The following ST3GAL3 variants were observed in gnomAD, a reference collection of about 807,000 sequenced individuals.
ST3GAL3 encodes ST3 beta-galactoside alpha-2,3-sialyltransferase 3.
Under a neutral mutation model 50.1 loss-of-function variants are expected in ST3GAL3, and 21 were observed. That is an observed-to-expected ratio of 0.42 (90% confidence interval 0.30 to 0.60). The LOEUF is 0.60. ST3GAL3 is among the 20% of genes least tolerant of loss of function. The pLI, the probability that ST3GAL3 is intolerant of heterozygous loss-of-function variation, is 0.19. For missense variants in ST3GAL3, 353 were observed against 489.4 expected (o/e 0.72, Z 2.63); for synonymous variants, 183 against 190.0 (o/e 0.96, Z 0.30).
intron 11 of ST3GAL3, chr1:43,922,105 C>T (rs2083130728): frequency 5.7e-6 from 1 of 176,758 alleles, no homozygotes; most frequent in East Asian, 1.4e-4. Context: ...GTGGCTCATG[C>T]CTATAATCCC....
At chr1:43,721,670 C>T (rs916429618) in intron 1 of ST3GAL3, among the ~76,000 whole-genome samples, 5 of 150,530 alleles carry the variant, frequency 3.3e-5, no homozygotes, top group South Asian at 2.1e-4. Context: ...GGTGTGACCT[C>T]GGCTCACTGC....
intron 9 of ST3GAL3, among the ~76,000 whole-genome samples, chr1:43,904,900 C>T (rs866796946): frequency 6.2e-5 from 8 of 128,776 alleles, no homozygotes; most frequent in Admixed American, 2.3e-4. Flanking sequence ...TCTTCCTCCC[C>T]CTCCTCCTGC....
chr1:43,780,046 A>G (rs1473621591), intron 2 of ST3GAL3, among the ~76,000 whole-genome samples: 2 of 151,600 alleles, frequency 1.3e-5, no homozygotes, highest in Non-Finnish European at 2.9e-5. Context: ...GGTATATCTC[A>G]TTTCCTGGGC....
chr1:43,894,650 T>G (rs1422197301), intron 6 of ST3GAL3, among the ~76,000 whole-genome samples, 173 bp downstream of exon 6: 1 of 151,904 alleles, frequency 6.6e-6, no homozygotes, highest in African/African-American at 2.4e-5. Context: ...TGTTTGTTTT[T>G]TTTTTTTGAG....
At chr1:43,749,508 G>A (rs1056462258) in intron 2 of ST3GAL3, among the ~76,000 whole-genome samples, 3 of 152,162 alleles carry the variant, frequency 2.0e-5, no homozygotes, top group Admixed American at 6.6e-5. Flanking sequence ...GAGACCAGGT[G>A]GGAGGGTCAC....
intron 5 of ST3GAL3, among the ~76,000 whole-genome samples, chr1:43,872,338 TGTG>T (rs1362157155): frequency 2.9e-5 from 2 of 69,948 alleles, no homozygotes; most frequent in African/African-American, 1.2e-4. Flanking sequence ...TGGGGAAGGG[TGTG>T]AGCGAGACGG....
At chr1:43,841,969 T>C (rs1365482607) in intron 5 of ST3GAL3, 1 of 152,258 alleles carries the variant, frequency 6.6e-6, no homozygotes, top group African/African-American at 2.4e-5. Flanking sequence ...CTTAGAAATT[T>C]CTTCTGCCAA....
At chr1:43,788,981 T>C (rs2057706716) in intron 2 of ST3GAL3, among the ~76,000 whole-genome samples, 1 of 151,574 alleles carries the variant, frequency 6.6e-6, no homozygotes, top group African/African-American at 2.4e-5. Context: ...GAAGACAATG[T>C]GTTCAACGTC....
chr1:43,890,172 A>T (rs1570756720), intron 5 of ST3GAL3, among the ~76,000 whole-genome samples: 1 of 152,254 alleles, frequency 6.6e-6, no homozygotes, highest in Admixed American at 6.5e-5. Flanking sequence ...AAAGTTGTTT[A>T]GGTGTGGTTT....
chr1:43,893,124 T>C (rs2076891886), intron 5 of ST3GAL3, among the ~76,000 whole-genome samples: 1 of 152,180 alleles, frequency 6.6e-6, no homozygotes, highest in East Asian at 1.9e-4. Flanking sequence ...TCTCTAATAA[T>C]AGCAGACCTC....
At chr1:43,785,946 T>C (rs1379918365) in intron 2 of ST3GAL3, among the ~76,000 whole-genome samples, 7 of 152,166 alleles carry the variant, frequency 4.6e-5, no homozygotes, top group Non-Finnish European at 7.4e-5. Flanking sequence ...AAGCTAGATA[T>C]CATTCTCTTC....
intron 1 of ST3GAL3, among the ~76,000 whole-genome samples, chr1:43,731,714 A>G (rs1034043585): frequency 3.3e-5 from 5 of 151,588 alleles, no homozygotes; most frequent in African/African-American, 1.2e-4. Flanking sequence ...TTGTATTTTT[A>G]GTAGAGACGG....
intron 2 of ST3GAL3, among the ~76,000 whole-genome samples, chr1:43,769,176 G>A (rs1031589775): frequency 7.9e-5 from 12 of 152,156 alleles, no homozygotes; most frequent in African/African-American, 2.9e-4. Context: ...CATTTCAGTA[G>A]ATACAGAACA....
intron 5 of ST3GAL3, among the ~76,000 whole-genome samples, chr1:43,854,722 G>A (rs182457033): frequency 5.3e-5 from 8 of 152,248 alleles, no homozygotes; most frequent in African/African-American, 1.9e-4. Flanking sequence ...TGTATCCAAC[G>A]CACCGAATTT....
chr1:43,929,324 A>G (rs2084625017), intron 11 of ST3GAL3, among the ~76,000 whole-genome samples: 1 of 140,352 alleles, frequency 7.1e-6, no homozygotes, highest in Non-Finnish European at 1.5e-5. Context: ...TTTTTTTTTG[A>G]GACAGAATCT....
intron 5 of ST3GAL3, among the ~76,000 whole-genome samples, chr1:43,870,218 A>G (rs142902332): frequency 6.6e-6 from 1 of 152,372 alleles, no homozygotes; most frequent in Non-Finnish European, 1.5e-5. Flanking sequence ...TTGTGAGGCT[A>G]AAATGATATT....
chr1:43,768,097 A>C (rs1693785137), intron 2 of ST3GAL3, among the ~76,000 whole-genome samples: 1 of 152,224 alleles, frequency 6.6e-6, no homozygotes, highest in South Asian at 2.1e-4. Flanking sequence ...TCAAAAGATT[A>C]ACATACTTTT....
At chr1:43,735,741 A>G (rs1375028989) in intron 1 of ST3GAL3, among the ~76,000 whole-genome samples, 1 of 152,242 alleles carries the variant, frequency 6.6e-6, no homozygotes. Context: ...TAAACTGCTA[A>G]GTTTGTGACA....
chr1:43,825,250 G>A (rs1250765335), intron 4 of ST3GAL3, among the ~76,000 whole-genome samples: 2 of 152,052 alleles, frequency 1.3e-5, no homozygotes, highest in Admixed American at 6.5e-5. Context: ...GTGGAATTGC[G>A]GCTACTTTCT....
Sources: gnomAD v4.1 joint callset for allele counts (sites outside exome capture counted in the v4.1 genomes callset) on GRCh38, gnomAD v4.1.1 for gene constraint, MANE v1.5 for transcripts, NCBI Gene and HGNC (gene_info 2026-07-23, HGNC 2026-07-21) for gene names.